ARL13A: variants seen among roughly 807,000 people sequenced by gnomAD.
ARL13A encodes the protein ARF like GTPase 13A.
A neutral mutation model predicts 19.1 loss-of-function variants in ARL13A; 16 were observed. That is an observed-to-expected ratio of 0.84 (90% CI 0.57 to 1.27). The LOEUF is 1.27. Among genes scored for constraint, ARL13A ranks in the 50% most tolerant of loss-of-function variants. ARL13A has a pLI of 0.00. For missense variants in ARL13A, 153 were observed against 186.4 expected, an observed-to-expected ratio of 0.82 and a Z score of 1.04; for synonymous variants, 69 against 71.3, an observed-to-expected ratio of 0.97 and a Z score of 0.17.
intron 7 of ARL13A, chrX:100,990,241 A>G: frequency 1.6e-6 from 1 of 620,654 alleles, no homozygotes; most frequent in Middle Eastern, 8.9e-4. Context: ...ACTGGCCAAT[A>G]CCCTCCTACC....
At chrX:100,988,560 T>A in intron 7 of ARL13A, 1 of 1,040,592 alleles carries the variant, frequency 9.6e-7, no homozygotes, top group Non-Finnish European at 1.2e-6. Context: ...TTTTTGAAGG[T>A]AATGCTGGAT....
At chrX:100,983,647 G>A (rs936361587) in intron 3 of ARL13A, among the ~76,000 whole-genome samples, 6 of 111,430 alleles carry the variant, frequency 5.4e-5, no homozygotes, top group African/African-American at 1.3e-4. Flanking sequence ...GTGAGCCACC[G>A]TCCCTGGCCC....
rs59915769 is a variant in ARL13A at position 100,977,369 on chromosome X, C to CTTTTTTTTTTTT, written c.130+3190_130+3201dup. ...GTAGTAATTATCCTTCTACTCTCTT[C>CTTTTTTTTTTTT]TTTTTTTTTTTTTTTTTTTTTTTTT... On this transcript the variant is annotated intron_variant, in intron 3 of 7. Coordinates refer to ENST00000450049, the MANE Select transcript of ARL13A (RefSeq NM_001162491.2). Among the ~76,000 whole-genome samples the CTTTTTTTTTTTT allele has an allele frequency of 4.6e-4, 26 of 56,455 alleles. 1 individual carries two copies. The highest frequency in any genetic ancestry group is 1.8e-3 in the African/African-American group (25 of 13,962). 49.0% of individuals were successfully genotyped at this position (56,455 alleles called of 115,157 possible).
At chrX:100,983,960 T>C (rs2085898714) in intron 3 of ARL13A, among the ~76,000 whole-genome samples, 1 of 111,700 alleles carries the variant, frequency 9.0e-6, no homozygotes, top group East Asian at 2.8e-4. Context: ...AAGTTATGCA[T>C]TCTAGTCTTA....
At chrX:100,975,242 A>C (rs1269253271) in intron 3 of ARL13A, among the ~76,000 whole-genome samples, 1 of 111,601 alleles carries the variant, frequency 9.0e-6, no homozygotes, top group Non-Finnish European at 1.9e-5. Context: ...ACAACAAATG[A>C]CTTGCCATCC....
intron 3 of ARL13A, among the ~76,000 whole-genome samples, chrX:100,984,858 CATTT>C (rs2085914799): frequency 1.8e-5 from 2 of 112,190 alleles, no homozygotes; most frequent in South Asian, 7.5e-4. Flanking sequence ...TTCATTCATT[CATTT>C]ATCAGATTAA....
In ARL13A at chrX:100,985,863, C is replaced by T. The variant is rs2085928424; in HGVS notation, c.327C>T (p.Ile109=). 6 of 1,210,249 alleles carry T rather than the reference C, an allele frequency of 5.0e-6. No individual in the cohort carries two copies. In the East Asian group the frequency reaches 1.5e-4, roughly 30 times the overall value. ...SDIRRMQEVK[I]ILTHLLSDKR... is the part of the protein sequence containing the mutation. Reference sequence around the variant, plus strand: ...TAAGACGCATGCAGGAAGTGAAGATCATCTTAACACATCTGCTGTCCGATA... The same window carrying T: ...TAAGACGCATGCAGGAAGTGAAGATTATCTTAACACATCTGCTGTCCGATA... Residue 109 remains isoleucine (I), a synonymous_variant, in exon 4 of 8, where the codon ATC becomes ATT. Coordinates refer to ENST00000450049, the MANE Select transcript of ARL13A (RefSeq NM_001162491.2).
chrX:100,970,968 G>A (rs1258572110), intron 1 of ARL13A, among the ~76,000 whole-genome samples: 5 of 111,806 alleles, frequency 4.5e-5, no homozygotes, highest in Non-Finnish European at 9.4e-5. Context: ...ATACTCCTAG[G>A]TATATACCCA....
At position 100,974,160 on chromosome X, in the gene ARL13A, C is replaced by T; in HGVS notation, c.93C>T (p.Asn31=). Residue 31 remains asparagine, a synonymous_variant, in exon 3 of 8, where the codon AAC becomes AAT. Transcript: ENST00000450049. The part of the protein sequence containing the change: ...NVTIPIIGLN[N]SGKTVLVEAF... ...CCATCCCTATCATTGGCTTGAACAA[C>T]TCTGGCAAAACTGTTCTTGTGGAGG... 1.7e-6 allele frequency: 2 copies of T among 1,193,193 alleles called. No homozygotes were observed. The highest frequency in any genetic ancestry group is 1.8e-5 in the South Asian group (1 of 54,219).
chrX:100,977,672 C>T (rs2085789456), intron 3 of ARL13A, among the ~76,000 whole-genome samples: 1 of 111,998 alleles, frequency 8.9e-6, no homozygotes, highest in African/African-American at 3.2e-5. Context: ...TGTACCACCA[C>T]ACCCGGCTGT....
chrX:100,987,106 C>A (rs2085946132), intron 5 of ARL13A, among the ~76,000 whole-genome samples: 1 of 111,981 alleles, frequency 8.9e-6, no homozygotes, highest in Non-Finnish European at 1.9e-5. Context: ...ACATGAATAT[C>A]CCCATTTTAT....
intron 3 of ARL13A, among the ~76,000 whole-genome samples, chrX:100,981,975 A>G (rs898279453): frequency 3.6e-5 from 4 of 109,839 alleles, no homozygotes; most frequent in African/African-American, 1.3e-4. Flanking sequence ...GCCATCTCCA[A>G]GTCATTATTA....
intron 3 of ARL13A, among the ~76,000 whole-genome samples, chrX:100,976,860 A>G (rs1334126766): frequency 8.9e-6 from 1 of 112,664 alleles, no homozygotes; most frequent in Non-Finnish European, 1.9e-5. Context: ...GGCCTCCCAA[A>G]GTGGTGGGAT....
At chrX:100,976,501 G>A (rs2085763706) in intron 3 of ARL13A, among the ~76,000 whole-genome samples, 2 of 111,479 alleles carry the variant, frequency 1.8e-5, no homozygotes, top group African/African-American at 6.5e-5. Flanking sequence ...AATGTCTCAG[G>A]CCACCTCTGT....
Position 100,976,577 on chromosome X carries a change from C to T in ARL13A, c.130+2380C>T, listed in dbSNP as rs138454820. Among the ~76,000 whole-genome samples the T allele has an allele frequency of 3.7e-4, 41 of 111,839 alleles. No individual in the cohort carries two copies. The East Asian group carries it at 8.2e-3, about 22-fold the overall frequency. ...TGCCCAAAATTGAATAATTCACCTCCCTTGTCCCTGCAAATGTTTTTGTTG... is the reference window on the plus strand; with the variant it reads ...TGCCCAAAATTGAATAATTCACCTCTCTTGTCCCTGCAAATGTTTTTGTTG... On this transcript the variant is annotated intron_variant, in intron 3 of 7. Coordinates refer to ENST00000450049, the MANE Select transcript of ARL13A (RefSeq NM_001162491.2).
chrX:100,982,592 C>T lies in ARL13A; in HGVS notation c.131-3075C>T, dbSNP rs148169141. ...CCTGGGGAGCTTTCAAACCTACTGA[C>T]GGGACCTGGAGATTCAAAAGTTTGG... On this transcript the variant is annotated intron_variant, in intron 3 of 7. Coordinates refer to ENST00000450049, the MANE Select transcript of ARL13A (RefSeq NM_001162491.2). Among the ~76,000 whole-genome samples the T allele has an allele frequency of 7.2e-3, 785 of 108,812 alleles. 11 individuals carry two copies. Among genetic ancestry groups the T allele is most frequent in the African/African-American group, 0.025 (762 of 29,934 alleles). 94.5% of individuals were successfully genotyped at this position (108,812 alleles called of 115,157 possible). A position where few individuals can be genotyped will look rare whatever the true frequency, so the allele number is the denominator to read the frequency against.
In ARL13A at chrX:100,970,537, C is replaced by T. The variant is rs143481390; in HGVS notation, c.-15+728C>T. Among the ~76,000 whole-genome samples the T allele has an allele frequency of 2.7e-3, 299 of 112,417 alleles. 5 individuals are homozygous for T. In the East Asian group the frequency reaches 0.036, roughly 13 times the overall value. ...GGCTTCCTCCAATTTTGGGCTTCAA[C>T]ATACAGTCGTCCCTCAGTAAACTCG... is the stretch of plus-strand genomic sequence containing the variant. On this transcript the variant is annotated intron_variant, in intron 1 of 7. Transcript: ENST00000450049.
intron 3 of ARL13A, among the ~76,000 whole-genome samples, chrX:100,975,434 A>G (rs1009140760): frequency 2.7e-5 from 3 of 111,349 alleles, no homozygotes; most frequent in African/African-American, 9.8e-5. Flanking sequence ...TGCACTTATT[A>G]CAACATCATC....
At chrX:100,983,608 C>T (rs977822082) in intron 3 of ARL13A, among the ~76,000 whole-genome samples, 2 of 111,188 alleles carry the variant, frequency 1.8e-5, no homozygotes, top group Non-Finnish European at 3.8e-5. Context: ...CTGCCTGCCT[C>T]GGCCTCCCAA....
Sources: gnomAD v4.1 joint callset for allele counts (sites outside exome capture counted in the v4.1 genomes callset) on GRCh38, gnomAD v4.1.1 for gene constraint, MANE v1.5 for transcripts, NCBI Gene and HGNC (gene_info 2026-07-23, HGNC 2026-07-21) for gene names.